The following CCDC150 variants were observed in gnomAD, a reference collection of about 807,000 sequenced individuals.
The protein encoded by CCDC150 is coiled-coil domain containing 150, also known as coiled-coil domain-containing protein 150.
In CCDC150, 151 loss-of-function variants were observed where a neutral mutation model predicts 156.5. The ratio of observed to expected loss-of-function variants is 0.97; its 90% CI spans 0.85 to 1.10. The LOEUF is 1.10. Among genes scored for constraint, CCDC150 ranks in the 50% least tolerant of loss-of-function variants. CCDC150 has a pLI of 0.00. For synonymous variants in CCDC150, 452 were observed against 429.4 expected, an observed-to-expected ratio of 1.05 and a Z score of -0.65; for missense variants, 1,312 against 1,268.1, an observed-to-expected ratio of 1.03 and a Z score of -0.53.
intron 7 of CCDC150, 46 bp downstream of exon 7, chr2:196,666,894 G>T (rs1348997707): frequency 2.5e-6 from 4 of 1,608,032 alleles, no homozygotes; most frequent in Admixed American, 1.7e-5. Context: ...AGTTTTTGGA[G>T]ATTTCATGGA....
At chr2:196,676,776 G>A in intron 12 of CCDC150, 45 bp downstream of exon 12, 1 of 1,504,500 alleles carries the variant, frequency 6.6e-7, no homozygotes, top group African/African-American at 1.4e-5. Flanking sequence ...GTGGTGTGAT[G>A]ATGTTTTAAA....
chr2:196,658,662 T>C (rs1378486079), intron 4 of CCDC150, 130 bp from the exon 5 acceptor site: 24 of 603,640 alleles, frequency 4.0e-5, no homozygotes. Flanking sequence ...TAACAAGGAG[T>C]ATTTATAACC....
intron 26 of CCDC150, 30 bp from the exon 27 acceptor site, chr2:196,732,003 G>T: frequency 1.3e-6 from 2 of 1,596,612 alleles, no homozygotes; most frequent in Non-Finnish European, 1.7e-6. Context: ...CTTTCTTTGT[G>T]TCTTTTAATG....
chr2:196,665,248 A>T lies in CCDC150; in HGVS notation c.646-319A>T, dbSNP rs78856039. Among the ~76,000 whole-genome samples the T allele has an allele frequency of 8.5e-3, 1,297 of 152,154 alleles. 20 individuals are homozygous for T. The highest frequency in any genetic ancestry group is 0.029 in the African/African-American group (1,198 of 41,510). ...GCACTTACCCTTACTACTTGCATGC[A>T]CTCTGATATTTTCTTTCTACTCTTT... On this transcript the variant is annotated intron_variant, in intron 5 of 27. Transcript: ENST00000389175.
intron 17 of CCDC150, 130 bp from the exon 18 acceptor site, chr2:196,718,373 A>G: frequency 1.6e-6 from 1 of 621,422 alleles, no homozygotes; most frequent in Non-Finnish European, 2.5e-6. Flanking sequence ...TAAGCAGCTA[A>G]TAAAGATGGG....
In CCDC150 at chr2:196,656,595, G is replaced by A. The variant is rs1028114321; in HGVS notation, c.177-38G>A. 4 of 1,383,280 alleles carry A rather than the reference G, an allele frequency of 2.9e-6. No individual in the cohort carries two copies. In the African/African-American group the frequency reaches 4.3e-5, roughly 15 times the overall value. The allele number at this position is 1,383,280 out of a possible 1,614,324, so 85.7% of individuals were successfully genotyped here. On this transcript the variant is annotated intron_variant, in intron 2 of 27. Transcript: ENST00000389175. ...TTTTGGGATTACCATAGTAGAAATT[G>A]CATTGCATAATATTGTTATATTGGG...
chr2:196,641,099 A>G (rs1475705134), intron 1 of CCDC150, among the ~76,000 whole-genome samples: 1 of 152,064 alleles, frequency 6.6e-6, no homozygotes, highest in Non-Finnish European at 1.5e-5. Flanking sequence ...AGTAGCTGAA[A>G]CTACAGGAGC....
chr2:196,712,433 A>G (rs1040704996), intron 16 of CCDC150, 181 bp downstream of exon 16: 16 of 568,240 alleles, frequency 2.8e-5, no homozygotes, highest in African/African-American at 2.8e-4. Context: ...AAGCCTCAGA[A>G]ATTGTAAAGA....
At position 196,676,693 on chromosome 2, in the gene CCDC150, A is replaced by T. The variant is rs746034163; in HGVS notation, c.1402A>T (p.Lys468Ter). The T allele has an allele frequency of 2.5e-6, 4 of 1,613,760 alleles. No individual in the cohort carries two copies. Among genetic ancestry groups the T allele is most frequent in the Non-Finnish European group, 3.4e-6 (4 of 1,179,690 alleles). Residue 468 changes from lysine to a stop codon, truncating the protein, a stop_gained, in exon 12 of 28, where the codon AAG (lysine) becomes TAG (stop). Coordinates refer to ENST00000389175, the MANE Select transcript of CCDC150 (RefSeq NM_001080539.2). LOFTEE classifies it high-confidence loss of function. ...GELEASMQEKKSLLEEKERFQ... is the reference protein window; with the variant it reads ...GELEASMQEK ...ATTGGAAGCATCAATGCAAGAGAAG[A>T]AGTCTCTGCTAGAGGAGAAAGAAAG...
chr2:196,656,628 T>C lies in CCDC150; in HGVS notation c.177-5T>C. 2 of 1,593,254 alleles carry C rather than the reference T, an allele frequency of 1.3e-6. No homozygotes were observed. The highest frequency in any genetic ancestry group is 1.7e-6 in the Non-Finnish European group (2 of 1,166,802). ...TAATATTGTTATATTGGGATCTTTG[T>C]CCAGAGGCTATTTGGAAGCTCCAGA... On this transcript the variant is annotated splice_region_variant and splice_polypyrimidine_tract_variant and intron_variant, in intron 2 of 27. Transcript: ENST00000389175.
intron 5 of CCDC150, among the ~76,000 whole-genome samples, chr2:196,664,342 C>T (rs926324229): frequency 1.3e-5 from 2 of 152,198 alleles, no homozygotes; most frequent in Non-Finnish European, 2.9e-5. Flanking sequence ...ATCGATGTTC[C>T]CATGATGCCC....
intron 2 of CCDC150, among the ~76,000 whole-genome samples, chr2:196,652,399 G>T (rs1692940998): frequency 6.6e-6 from 1 of 152,220 alleles, no homozygotes; most frequent in Non-Finnish European, 1.5e-5. Context: ...CCTAAAGGAA[G>T]AAATTGGCTA....
At chr2:196,651,024 C>G (rs1300710755) in intron 2 of CCDC150, among the ~76,000 whole-genome samples, 1 of 152,094 alleles carries the variant, frequency 6.6e-6, no homozygotes, top group Non-Finnish European at 1.5e-5. Context: ...TGGTAGGTTA[C>G]ATATTTCTAG....
At chr2:196,654,417 G>C (rs934478797) in intron 2 of CCDC150, among the ~76,000 whole-genome samples, 2 of 151,664 alleles carry the variant, frequency 1.3e-5, no homozygotes, top group African/African-American at 4.8e-5. Flanking sequence ...AGTTCCATAA[G>C]CTATCTTCAC....
At chr2:196,694,859 C>T (rs1453325621) in intron 13 of CCDC150, among the ~76,000 whole-genome samples, 187 bp from the exon 14 acceptor site, 8 of 152,004 alleles carry the variant, frequency 5.3e-5, no homozygotes. Context: ...GAGACTACGT[C>T]TCAAAAAAGT....
intron 10 of CCDC150, among the ~76,000 whole-genome samples, chr2:196,675,517 A>G (rs1264635373): frequency 6.6e-6 from 1 of 152,222 alleles, no homozygotes; most frequent in African/African-American, 2.4e-5. Flanking sequence ...TGTATTTGCA[A>G]AAACTTTATG....
At chr2:196,659,029 T>C in intron 5 of CCDC150, among the ~76,000 whole-genome samples, 169 bp downstream of exon 5, 1 of 152,140 alleles carries the variant, frequency 6.6e-6, no homozygotes, top group East Asian at 1.9e-4. Context: ...TGCCCTTACA[T>C]GACATTAAGA....
At chr2:196,642,996 G>C (rs1454844535) in intron 1 of CCDC150, among the ~76,000 whole-genome samples, 1 of 152,174 alleles carries the variant, frequency 6.6e-6, no homozygotes, top group African/African-American at 2.4e-5. Context: ...TCCCACATAG[G>C]CCTTTCAAAA....
At chr2:196,719,806 A>G (rs975771587) in intron 19 of CCDC150, 140 bp downstream of exon 19, 6 of 532,830 alleles carry the variant, frequency 1.1e-5, no homozygotes, top group African/African-American at 7.9e-5. Context: ...AAGAATTCCT[A>G]AGTTAGAGAA....
Sources: allele counts gnomAD v4.1 joint callset (sites outside exome capture counted in the v4.1 genomes callset), GRCh38; gene constraint gnomAD v4.1.1; transcripts MANE v1.5; gene names NCBI Gene and HGNC (gene_info 2026-07-23, HGNC 2026-07-21).